Variants in BIRC6 observed in about 807,000 individuals in gnomAD.
The protein encoded by BIRC6 is baculoviral IAP repeat containing 6.
Under a neutral mutation model 503.3 loss-of-function variants are expected in BIRC6, and 98 were observed. The ratio of observed to expected loss-of-function variants is 0.19; its 90% confidence interval spans 0.17 to 0.23. The LOEUF (loss-of-function observed/expected upper bound fraction) is 0.23, where lower values mean the gene tolerates loss of function less well. Among genes scored for constraint, BIRC6 ranks in the 10% least tolerant of loss-of-function variants. The probability of loss-of-function intolerance (pLI) is 1.00; values close to 1 mark genes in which losing one functional copy is unlikely to be tolerated. For missense variants in BIRC6, 5,360 were observed against 5,806.0 expected, an observed-to-expected ratio of 0.92 and a Z score of 2.50; for synonymous variants, 2,240 against 2,078.7, an observed-to-expected ratio of 1.08 and a Z score of -2.11.
chr2:32,370,256 T>G (rs1573702711), intron 1 of BIRC6, among the ~76,000 whole-genome samples: 1 of 151,792 alleles, frequency 6.6e-6, no homozygotes, highest in Non-Finnish European at 1.5e-5. Flanking sequence ...CCATGATAAA[T>G]TTTTCGTGGT....
At chr2:32,484,912 T>A (rs1470622676) in intron 39 of BIRC6, among the ~76,000 whole-genome samples, 1 of 152,196 alleles carries the variant, frequency 6.6e-6, no homozygotes, top group East Asian at 1.9e-4. Context: ...TCATCTGTTT[T>A]TTGATGTTCA....
At chr2:32,480,274 A>G (rs2050237548) in intron 37 of BIRC6, among the ~76,000 whole-genome samples, 1 of 152,158 alleles carries the variant, frequency 6.6e-6, no homozygotes, top group Admixed American at 6.5e-5. Context: ...TTCCCAGCAG[A>G]GTTAGGGACT....
intron 10 of BIRC6, among the ~76,000 whole-genome samples, chr2:32,416,943 C>A (rs1035713217): frequency 6.6e-6 from 1 of 152,060 alleles, no homozygotes; most frequent in African/African-American, 2.4e-5. Flanking sequence ...TCAAGCAATT[C>A]TCCTGCCTCA....
In BIRC6 at chr2:32,469,603, T is replaced by C. The variant is rs1414124803; in HGVS notation, c.6336T>C (p.Phe2112=). 1.9e-6 allele frequency: 3 copies of C among 1,612,324 alleles called. No individual in the cohort carries two copies. Among genetic ancestry groups the C allele is most frequent in the African/African-American group, 1.3e-5 (1 of 74,878 alleles). ...ELYNSEQLLI[F]PQDRVFMLLS... is the part of the protein sequence containing the mutation. ...ACAATTCGGAACAGCTTCTCATCTT[T>C]CCACAGGATAGGTAGGTCAGAAAAT... is the stretch of plus-strand genomic sequence containing the variant. Residue 2112 remains phenylalanine, a synonymous_variant, in exon 30 of 74, where the codon TTT becomes TTC. Coordinates refer to ENST00000421745, the MANE Select transcript of BIRC6 (RefSeq NM_016252.4).
In BIRC6 at chr2:32,429,299, T is replaced by C; in HGVS notation, c.3022+4T>C. On this transcript the variant is annotated splice_donor_region_variant and intron_variant, in intron 11 of 73. Coordinates refer to ENST00000421745, the MANE Select transcript of BIRC6 (RefSeq NM_016252.4). ...CCTTCAAGTCCTGGCATTTCAGGTA[T>C]GATATTAAATTTTTAAATGATTTTA... 6.7e-7 allele frequency: 1 copy of C among 1,482,662 alleles called. No individual in the cohort carries two copies. Among genetic ancestry groups the C allele is most frequent in the Non-Finnish European group, 8.9e-7 (1 of 1,119,958 alleles). 91.8% of individuals were successfully genotyped at this position (1,482,662 alleles called of 1,614,324 possible).
chr2:32,369,184 A>T (rs188326254), intron 1 of BIRC6, among the ~76,000 whole-genome samples: 2 of 152,282 alleles, frequency 1.3e-5, no homozygotes, highest in East Asian at 3.9e-4. Context: ...ATAGATTTTC[A>T]TATTTGGATG....
intron 23 of BIRC6, among the ~76,000 whole-genome samples, chr2:32,454,867 G>C (rs2047068429): frequency 6.6e-6 from 1 of 152,110 alleles, no homozygotes; most frequent in Non-Finnish European, 1.5e-5. Context: ...AGTTTATGTA[G>C]TGAATATGAG....
intron 65 of BIRC6, chr2:32,559,012 A>C (rs1459007766): frequency 6.6e-6 from 1 of 152,128 alleles, no homozygotes; most frequent in Admixed American, 6.5e-5. Context: ...GAACCTTTAC[A>C]CTGTTCTTTT....
At chr2:32,567,631 C>T (rs899965222) in intron 65 of BIRC6, among the ~76,000 whole-genome samples, 1 of 152,216 alleles carries the variant, frequency 6.6e-6, no homozygotes, top group Non-Finnish European at 1.5e-5. Flanking sequence ...ACCAAGTTTT[C>T]ACTGTTGGTC....
At chr2:32,393,806 C>T (rs994034778) in intron 5 of BIRC6, among the ~76,000 whole-genome samples, 5 of 152,186 alleles carry the variant, frequency 3.3e-5, no homozygotes, top group Admixed American at 6.5e-5. Flanking sequence ...CAGGTGTAAG[C>T]CACTGCGCCT....
rs1022315135 is a variant in BIRC6 at position 32,440,750 on chromosome 2, A to ATTT, written c.3811-578_3811-576dup. ...TTATTTTATTTTATTGTGTTTATTT[A>ATTT]TTTATTATTATTATTATTATTATTA... On this transcript the variant is annotated intron_variant, in intron 16 of 73. Coordinates refer to ENST00000421745, the MANE Select transcript of BIRC6 (RefSeq NM_016252.4). Among the ~76,000 whole-genome samples the ATTT allele has an allele frequency of 2.9e-3, 370 of 129,704 alleles. 1 individual carries two copies. Among genetic ancestry groups the ATTT allele is most frequent in the African/African-American group, 0.01 (356 of 34,340 alleles). The allele number at this position is 129,704 out of a possible 152,430, so 85.1% of individuals were successfully genotyped here. A position where few individuals can be genotyped will look rare whatever the true frequency, so the allele number is the denominator to read the frequency against.
rs1395360642 is a variant in BIRC6, at chr2:32,560,958, G to C, written c.13144+11477G>C. ...CTCACACCTGTAATCCCAGCACTTT[G>C]GGAGGCCGAGGCGGGTGGATCACGA... On this transcript the variant is annotated intron_variant, in intron 65 of 73. Coordinates refer to ENST00000421745, the MANE Select transcript of BIRC6 (RefSeq NM_016252.4). Among the ~76,000 whole-genome samples, 5 of 152,008 alleles carry C rather than the reference G, an allele frequency of 3.3e-5. No homozygotes were observed. The East Asian group carries it at 9.8e-4, about 30-fold the overall frequency.
chr2:32,400,424 C>T (rs1210891463), intron 6 of BIRC6, among the ~76,000 whole-genome samples: 8 of 150,528 alleles, frequency 5.3e-5, no homozygotes, highest in Admixed American at 2.0e-4. Flanking sequence ...CTGCAGCCTC[C>T]GCCTCCTGGG....
chr2:32,451,513 A>C (rs925903837), intron 22 of BIRC6, among the ~76,000 whole-genome samples: 2 of 152,216 alleles, frequency 1.3e-5, no homozygotes, highest in Non-Finnish European at 2.9e-5. Flanking sequence ...GTTTCATTTT[A>C]AAATGCCCTT....
At chr2:32,437,164 G>A (rs2044817785) in intron 15 of BIRC6, among the ~76,000 whole-genome samples, 1 of 151,884 alleles carries the variant, frequency 6.6e-6, no homozygotes, top group Admixed American at 6.6e-5. Context: ...TGTTAGGATT[G>A]CAGACGTAAG....
intron 62 of BIRC6, among the ~76,000 whole-genome samples, chr2:32,544,274 G>T (rs76272391): frequency 6.6e-6 from 1 of 152,034 alleles, no homozygotes; most frequent in Admixed American, 6.6e-5. Context: ...TTCAGAAAAT[G>T]AATCTGGTAG....
At chr2:32,593,078 A>G (rs895932716) in intron 66 of BIRC6, among the ~76,000 whole-genome samples, 1 of 152,230 alleles carries the variant, frequency 6.6e-6, no homozygotes, top group African/African-American at 2.4e-5. Context: ...AAACACTTTT[A>G]TTTATATACG....
chr2:32,373,503 A>C (rs2036274781), intron 1 of BIRC6, among the ~76,000 whole-genome samples: 1 of 152,190 alleles, frequency 6.6e-6, no homozygotes, highest in Non-Finnish European at 1.5e-5. Flanking sequence ...CTTTTCAACA[A>C]ATGTTGCTGG....
chr2:32,478,936 G>A, intron 36 of BIRC6, 118 bp downstream of exon 36: 1 of 962,518 alleles, frequency 1.0e-6, no homozygotes, highest in East Asian at 2.5e-5. Flanking sequence ...AAAGCATAAA[G>A]GTCTGTTTAA....
Sources: gnomAD v4.1 joint callset for allele counts (sites outside exome capture counted in the v4.1 genomes callset) on GRCh38, gnomAD v4.1.1 for gene constraint, MANE v1.5 for transcripts, NCBI Gene and HGNC (gene_info 2026-07-23, HGNC 2026-07-21) for gene names.